Variants in PIKFYVE observed in about 807,000 individuals in gnomAD.
The protein encoded by PIKFYVE is phosphoinositide kinase, FYVE-type zinc finger containing, also known as 1-phosphatidylinositol 3-phosphate 5-kinase.
In PIKFYVE, 122 loss-of-function variants were observed where a neutral mutation model predicts 257.9. That is an observed-to-expected ratio of 0.47 (90% CI 0.41 to 0.55). The LOEUF is 0.55. Among genes scored for constraint, PIKFYVE ranks in the 20% least tolerant of loss-of-function variants. The pLI is 0.00. For missense variants in PIKFYVE, 2,160 were observed against 2,536.6 expected (o/e 0.85, Z 3.19); for synonymous variants, 892 against 868.9 (o/e 1.03, Z -0.47).
At chr2:208,334,302 A>C (rs1290551412) in intron 24 of PIKFYVE, 1 of 152,444 alleles carries the variant, frequency 6.6e-6, no homozygotes. Context: ...GTTAAGGGGC[A>C]ATCAGCTAAG....
At position 208,325,998 on chromosome 2, in the gene PIKFYVE, C is replaced by T. The variant is rs1382478910; in HGVS notation, c.3187C>T (p.Arg1063Ter). The T allele has an allele frequency of 6.8e-6, 11 of 1,614,000 alleles. No individual in the cohort carries two copies. Among genetic ancestry groups the T allele is most frequent in the South Asian group, 1.1e-5 (1 of 91,086 alleles). Reference sequence around the variant, plus strand: ...CTGTATCTCCCCAGTAATCACATTCCGAGAACCCTTTCTTTTAACTGAAAA... The same window carrying T: ...CTGTATCTCCCCAGTAATCACATTCTGAGAACCCTTTCTTTTAACTGAAAA... ...ILCISPVITF[R>*]EPFLLTEKGM... Residue 1063 changes from arginine to a stop codon, truncating the protein, a stop_gained, in exon 20 of 42, where the codon CGA becomes TGA. Transcript: ENST00000264380. LOFTEE classifies it high-confidence loss of function.
intron 13 of PIKFYVE, among the ~76,000 whole-genome samples, chr2:208,312,719 A>G (rs1167752918): frequency 2.0e-5 from 3 of 152,248 alleles, no homozygotes; most frequent in Non-Finnish European, 2.9e-5. Context: ...AGAAGCAGGC[A>G]GTAGAGGTTA....
At position 208,337,386 on chromosome 2, in the gene PIKFYVE, C is replaced by G. The variant is rs945058830; in HGVS notation, c.4611+458C>G. Among the ~76,000 whole-genome samples the G allele has an allele frequency of 2.6e-5, 4 of 151,944 alleles. 1 individual carries two copies. The East Asian group carries it at 7.7e-4, about 29-fold the overall frequency. ...TCTCTTGCTCAGTGACAGATTATCC[C>G]AAACATAGTGGCCAAAACCACAAAT... On this transcript the variant is annotated intron_variant, in intron 28 of 41. Coordinates refer to ENST00000264380, the MANE Select transcript of PIKFYVE (RefSeq NM_015040.4).
Position 208,354,618 on chromosome 2 carries a change from A to T in PIKFYVE, c.6154A>T (p.Lys2052Ter). The T allele has an allele frequency of 6.2e-7, 1 of 1,613,500 alleles. No homozygotes were observed. Among genetic ancestry groups the T allele is most frequent in the Non-Finnish European group, 8.5e-7 (1 of 1,179,498 alleles). The change falls in exon 41 of 42, where the codon AAA becomes TAA. Residue 2052 changes from lysine to a stop codon, truncating the protein, a stop_gained. Transcript: ENST00000264380. LOFTEE classifies it high-confidence loss of function. ...GGACAAAAAGCTTGAGATGGTTGTG[A>T]AATCAACAGGAATTTTAGGTGGACA... is the stretch of plus-strand genomic sequence containing the variant. ...TWDKKLEMVV[K>*]STGILGGQGK... is the part of the protein sequence containing the mutation.
At chr2:208,313,292 C>G (rs1351859103) in intron 13 of PIKFYVE, among the ~76,000 whole-genome samples, 1 of 152,028 alleles carries the variant, frequency 6.6e-6, no homozygotes, top group Non-Finnish European at 1.5e-5. Flanking sequence ...TATTTTCATT[C>G]ATCCTTTAAA....
At position 208,335,293 on chromosome 2, in the gene PIKFYVE, A is replaced by G. The variant is rs749373239; in HGVS notation, c.4143-13A>G. 6 of 1,529,094 alleles carry G rather than the reference A, an allele frequency of 3.9e-6. No individual in the cohort carries two copies. In the Admixed American group the frequency reaches 8.4e-5, roughly 21 times the overall value. The allele number at this position is 1,529,094 out of a possible 1,614,324, so 94.7% of individuals were successfully genotyped here. ...TTTTTCATTTTCTATTGGTCCTTGT[A>G]TTTTCTTCTCAGTTATTCTCCCATT... is the stretch of plus-strand genomic sequence containing the variant. On this transcript the variant is annotated splice_polypyrimidine_tract_variant and intron_variant, in intron 24 of 41. Coordinates refer to ENST00000264380, the MANE Select transcript of PIKFYVE (RefSeq NM_015040.4).
At chr2:208,347,455 T>G (rs1425692684) in intron 34 of PIKFYVE, among the ~76,000 whole-genome samples, 1 of 152,204 alleles carries the variant, frequency 6.6e-6, no homozygotes, top group Non-Finnish European at 1.5e-5. Flanking sequence ...CTTGTGAAAT[T>G]GTTTTGTGTT....
chr2:208,317,984 C>T (rs780071685), intron 16 of PIKFYVE, 43 bp downstream of exon 16: 1 of 1,565,760 alleles, frequency 6.4e-7, no homozygotes, highest in South Asian at 1.1e-5. Flanking sequence ...CAAACCATGG[C>T]TGTGTGCTTA....
chr2:208,272,599 A>G (rs953391649), intron 2 of PIKFYVE, among the ~76,000 whole-genome samples: 15 of 152,278 alleles, frequency 9.9e-5, no homozygotes, highest in East Asian at 3.9e-4. Context: ...AACATGGCCT[A>G]TATCTTTTGT....
At chr2:208,285,242 T>C (rs1691408323) in intron 5 of PIKFYVE, among the ~76,000 whole-genome samples, 1 of 152,094 alleles carries the variant, frequency 6.6e-6, no homozygotes, top group Non-Finnish European at 1.5e-5. Context: ...ATTACAGGTA[T>C]GCGTTACCAT....
At position 208,345,136 on chromosome 2, in the gene PIKFYVE, G is replaced by C. The variant is rs1177938412; in HGVS notation, c.5053G>C (p.Glu1685Gln). ...TTGTAAAGAATACCGAAATGCCTTA[G>C]AGGAATTGTCTAAAGCGACTCAGTG... ...LSCKEYRNAL[E>Q]ELSKATQWNS... Residue 1685 changes from glutamate to glutamine, a missense_variant, in exon 33 of 42, where the codon GAG (glutamate) becomes CAG (glutamine). Around this residue, in one of 12 missense-constraint regions of PIKFYVE, gnomAD observed 699 missense variants for 855.8 expected, o/e 0.82. Coordinates refer to ENST00000264380, the MANE Select transcript of PIKFYVE (RefSeq NM_015040.4). 1 of 1,612,238 alleles carries C rather than the reference G, an allele frequency of 6.2e-7. No individual in the cohort carries two copies. The highest frequency in any genetic ancestry group is 2.2e-5 in the East Asian group (1 of 44,796).
intron 20 of PIKFYVE, 131 bp from the exon 21 acceptor site, chr2:208,328,049 A>G: frequency 6.6e-7 from 1 of 1,524,188 alleles, no homozygotes; most frequent in Non-Finnish European, 8.9e-7. Context: ...AGTTTTCTGT[A>G]GTTTTAAATC....
At chr2:208,303,437 T>C (rs935486670) in intron 10 of PIKFYVE, among the ~76,000 whole-genome samples, 2 of 152,202 alleles carry the variant, frequency 1.3e-5, no homozygotes, top group African/African-American at 2.4e-5. Context: ...TAACAGACAA[T>C]TAATACATAT....
intron 20 of PIKFYVE, among the ~76,000 whole-genome samples, chr2:208,326,884 G>T (rs929103314): frequency 7.2e-5 from 11 of 152,066 alleles, no homozygotes; most frequent in Non-Finnish European, 1.6e-4. Context: ...ATTTTACCTT[G>T]TTATTTAACT....
At chr2:208,343,713 T>C (rs1698946692) in intron 32 of PIKFYVE, among the ~76,000 whole-genome samples, 1 of 152,224 alleles carries the variant, frequency 6.6e-6, no homozygotes, top group South Asian at 2.1e-4. Flanking sequence ...ACTGCAATGC[T>C]GTTCTTATGC....
In PIKFYVE at chr2:208,347,884, C is replaced by T. The variant is rs780713856; in HGVS notation, c.5235C>T (p.Ser1745=). The change falls in exon 35 of 42, where the codon TCC becomes TCT. Residue 1745 remains serine (S), a synonymous_variant. Transcript: ENST00000264380. The stretch of plus-strand genomic sequence containing the variant: ...CCAAAAAGGCTTCTGGAATGTTGTC[C>T]TTCTTCAGAGGGACAGCAGGGAAAA... ...QPTKKASGML[S]FFRGTAGKSP... 2 of 1,613,496 alleles carry T rather than the reference C, an allele frequency of 1.2e-6. No individual in the cohort carries two copies. The highest frequency in any genetic ancestry group is 1.1e-5 in the South Asian group (1 of 91,038).
intron 40 of PIKFYVE, 62 bp downstream of exon 40, chr2:208,354,221 TC>T: frequency 6.4e-7 from 1 of 1,551,408 alleles, no homozygotes; most frequent in South Asian, 1.1e-5. Flanking sequence ...TTTTAAAGAT[TC>T]TATTGAACCT....
rs1174783548 is a variant in PIKFYVE, at chr2:208,269,686, T to C, written c.-9-1825T>C. ...GTTCTGGTCCAGGGCCCCCATCATG[T>C]CCCCAAACTGGCTGTATGGGATCTT... On this transcript the variant is annotated intron_variant, in intron 1 of 41. Coordinates refer to ENST00000264380, the MANE Select transcript of PIKFYVE (RefSeq NM_015040.4). 1.2e-5 allele frequency: 3 copies of C among 247,238 alleles called. No individual in the cohort carries two copies. The East Asian group carries it at 2.9e-4, about 24-fold the overall frequency. The allele number at this position is 247,238 out of a possible 1,614,324, so 15.3% of individuals were successfully genotyped here. A position where few individuals can be genotyped will look rare whatever the true frequency, so the allele number is the denominator to read the frequency against.
At position 208,325,890 on chromosome 2, in the gene PIKFYVE, G is replaced by A; in HGVS notation, c.3079G>A (p.Val1027Ile). The part of the protein sequence containing the change: ...DPLQDDTGLY[V>I]TEEVTSSEDK... ...TCTACAGGATGACACTGGATTATAT[G>A]TTACTGAGGAAGTCACCTCCTCTGA... The change falls in exon 20 of 42, where the codon GTT becomes ATT. Residue 1027 changes from valine (V) to isoleucine (I), a missense_variant. Coordinates refer to ENST00000264380, the MANE Select transcript of PIKFYVE (RefSeq NM_015040.4). 6.2e-7 allele frequency: 1 copy of A among 1,614,104 alleles called. No individual in the cohort carries two copies. Among genetic ancestry groups the A allele is most frequent in the Non-Finnish European group, 8.5e-7 (1 of 1,179,982 alleles).
Sources: allele counts gnomAD v4.1 joint callset (sites outside exome capture counted in the v4.1 genomes callset), GRCh38; gene constraint gnomAD v4.1.1; regional missense constraint gnomAD v4.1.1; transcripts MANE v1.5; gene names NCBI Gene and HGNC (gene_info 2026-07-23, HGNC 2026-07-21).